The following GALK2 variants were observed in gnomAD, a reference collection of about 807,000 sequenced individuals.
The protein encoded by GALK2 is galactokinase 2.
In GALK2, 36 loss-of-function variants were observed where a neutral mutation model predicts 52.4. That is an observed-to-expected ratio of 0.69 (90% CI 0.53 to 0.91). The LOEUF is 0.91. Among genes scored for constraint, GALK2 ranks in the 40% least tolerant of loss-of-function variants. GALK2 has a pLI of 0.00. For synonymous variants in GALK2, 176 were observed against 199.1 expected (o/e 0.88, Z 0.98); for missense variants, 579 against 559.1 (o/e 1.04, Z -0.36).
chr15:49,319,681 T>A lies in GALK2; in HGVS notation c.1045T>A (p.Cys349Ser), dbSNP rs147794087. 1 of 1,614,058 alleles carries A rather than the reference T, an allele frequency of 6.2e-7. No homozygotes were observed. Among genetic ancestry groups the A allele is most frequent in the Non-Finnish European group, 8.5e-7 (1 of 1,180,018 alleles). ...GCGAGTGCTCCAGTTTAAGAAGATA[T>A]GTGAAGAAGCACCTGAAAACATGGT... is the stretch of plus-strand genomic sequence containing the variant. ...AARVLQFKKI[C>S]EEAPENMVQL... Residue 349 changes from cysteine (C) to serine (S), a missense_variant, in exon 9 of 10, where the codon TGT becomes AGT. By Grantham distance (112) the Cys-to-Ser change is moderately radical. Coordinates refer to ENST00000560031, the MANE Select transcript of GALK2 (RefSeq NM_002044.4).
At chr15:49,311,366 TA>T (rs1355107038) in intron 8 of GALK2, among the ~76,000 whole-genome samples, 1 of 152,346 alleles carries the variant, frequency 6.6e-6, no homozygotes, top group Admixed American at 6.5e-5. Flanking sequence ...TAGCATGACA[TA>T]CAAAGTCCTC....
intron 2 of GALK2, among the ~76,000 whole-genome samples, chr15:49,205,129 G>T (rs1055432871): frequency 1.3e-5 from 2 of 152,078 alleles, no homozygotes; most frequent in South Asian, 2.1e-4. Flanking sequence ...TCCGCGATTG[G>T]GTTGGTTCCA....
chr15:49,187,672 T>C (rs1448197783), intron 1 of GALK2, among the ~76,000 whole-genome samples: 6 of 152,270 alleles, frequency 3.9e-5, no homozygotes, highest in African/African-American at 1.2e-4. Context: ...CCCTCCTCTT[T>C]TCTTAAGCAG....
intron 3 of GALK2, among the ~76,000 whole-genome samples, chr15:49,357,512 C>T (rs929843831): frequency 3.3e-5 from 5 of 152,066 alleles, no homozygotes; most frequent in Admixed American, 6.5e-5. Flanking sequence ...TTCCTCGACA[C>T]ATACACTCTC....
Position 49,255,513 on chromosome 15 carries a change from G to A in GALK2, c.504+16146G>A, listed in dbSNP as rs1049940182. 3.5e-5 allele frequency among the ~76,000 whole-genome samples: 5 copies of A among 142,260 alleles called. 1 individual carries two copies. Among genetic ancestry groups the A allele is most frequent in the Non-Finnish European group, 7.9e-5 (5 of 63,434 alleles). 93.3% of individuals were successfully genotyped at this position (142,260 alleles called of 152,430 possible). On this transcript the variant is annotated intron_variant, in intron 5 of 9. Coordinates refer to ENST00000560031, the MANE Select transcript of GALK2 (RefSeq NM_002044.4). ...TTTCCTGAATTTGGATTTGTCAGAC[G>A]GTTGCCTTATTATTAGATTGAGACT...
Position 49,329,313 on chromosome 15 carries a change from G to C in GALK2, c.*1154G>C, listed in dbSNP as rs765456127. Reference sequence around the variant, plus strand: ...GCTTTCTCTTGTGGATGGACTATAGGAAGCACTTTCTGAATTATGTAATGA... The same window carrying C: ...GCTTTCTCTTGTGGATGGACTATAGCAAGCACTTTCTGAATTATGTAATGA... On this transcript the variant is annotated 3_prime_UTR_variant, in exon 10 of 10. Transcript: ENST00000560031. The C allele has an allele frequency of 3.6e-4, 355 of 985,358 alleles. No individual in the cohort carries two copies. Among genetic ancestry groups the C allele is most frequent in the Non-Finnish European group, 4.0e-4 (335 of 829,914 alleles). 61.0% of individuals were successfully genotyped at this position (985,358 alleles called of 1,614,324 possible).
rs533965784 is a variant in GALK2 at position 49,294,799 on chromosome 15, C to T, written c.967+2262C>T. Reference sequence around the variant, plus strand: ...GTATGGAGGGAAAAGTGGCTCAGGTCCTGTAGATGGTGGTTCAATTTTGAG... The same window carrying T: ...GTATGGAGGGAAAAGTGGCTCAGGTTCTGTAGATGGTGGTTCAATTTTGAG... On this transcript the variant is annotated intron_variant, in intron 8 of 9. Coordinates refer to ENST00000560031, the MANE Select transcript of GALK2 (RefSeq NM_002044.4). Among the ~76,000 whole-genome samples the T allele has an allele frequency of 3.3e-5, 5 of 152,116 alleles. No homozygotes were observed. The South Asian group carries it at 1.0e-3, about 32-fold the overall frequency.
chr15:49,362,437 CT>C (rs2044404964), intron 3 of GALK2, among the ~76,000 whole-genome samples: 1 of 152,156 alleles, frequency 6.6e-6, no homozygotes, highest in Admixed American at 6.6e-5. Context: ...AGTTAAATCT[CT>C]TTTCTTCATA....
At chr15:49,205,032 ATTCCTT>A (rs1456360990) in intron 2 of GALK2, among the ~76,000 whole-genome samples, 1 of 152,124 alleles carries the variant, frequency 6.6e-6, no homozygotes, top group African/African-American at 2.4e-5. Flanking sequence ...CTGTTAATTC[ATTCCTT>A]TTTATGGCTG....
intron 5 of GALK2, among the ~76,000 whole-genome samples, chr15:49,259,809 T>C (rs1413500758): frequency 6.8e-6 from 1 of 147,470 alleles, no homozygotes; most frequent in Non-Finnish European, 1.5e-5. Context: ...AATTCCCACC[T>C]ATGAGTGAGA....
chr15:49,360,735 C>A (rs1169417728), intron 3 of GALK2, among the ~76,000 whole-genome samples: 1 of 152,078 alleles, frequency 6.6e-6, no homozygotes, highest in East Asian at 1.9e-4. Context: ...TAATAAAACT[C>A]CAAAGATCAT....
At chr15:49,332,379 C>A (rs941970239), downstream of GALK2, among the ~76,000 whole-genome samples, 1 of 152,146 alleles carries the variant, frequency 6.6e-6, no homozygotes, top group African/African-American at 2.4e-5. Flanking sequence ...ATGGAAAAGG[C>A]CAGTGGGTGA....
chr15:49,352,809 C>G (rs2042443282), intron 3 of GALK2, among the ~76,000 whole-genome samples: 1 of 152,152 alleles, frequency 6.6e-6, no homozygotes, highest in Non-Finnish European at 1.5e-5. Flanking sequence ...AAGCAGTTCC[C>G]TATCTTGCAA....
At chr15:49,274,533 T>G (rs2031318831) in intron 5 of GALK2, among the ~76,000 whole-genome samples, 1 of 152,166 alleles carries the variant, frequency 6.6e-6, no homozygotes, top group South Asian at 2.1e-4. Flanking sequence ...GTAGACTTTA[T>G]CAACACTGTC....
At chr15:49,355,463 T>C (rs1412542246) in intron 3 of GALK2, among the ~76,000 whole-genome samples, 4 of 152,292 alleles carry the variant, frequency 2.6e-5, no homozygotes, top group South Asian at 2.1e-4. Context: ...CAGGAGCCGA[T>C]GCGATCAACT....
At chr15:49,255,640 A>T in intron 5 of GALK2, among the ~76,000 whole-genome samples, 1 of 105,694 alleles carries the variant, frequency 9.5e-6, no homozygotes, top group Non-Finnish European at 2.3e-5. Flanking sequence ...ACATTATTTA[A>T]TACACAGAGA....
intron 1 of GALK2, among the ~76,000 whole-genome samples, chr15:49,189,844 A>G (rs1216109282): frequency 6.6e-6 from 1 of 152,136 alleles, no homozygotes; most frequent in Non-Finnish European, 1.5e-5. Flanking sequence ...AAAACTTAGG[A>G]GTTGTTTATT....
At chr15:49,295,022 G>A (rs1197707231) in intron 8 of GALK2, among the ~76,000 whole-genome samples, 3 of 152,124 alleles carry the variant, frequency 2.0e-5, no homozygotes, top group Non-Finnish European at 1.5e-5. Flanking sequence ...GGAAACTATT[G>A]CTCTATACTC....
intron 5 of GALK2, among the ~76,000 whole-genome samples, chr15:49,254,009 A>C (rs1487535626): frequency 6.9e-6 from 1 of 144,384 alleles, no homozygotes; most frequent in Non-Finnish European, 1.6e-5. Flanking sequence ...ATTTGTTAAG[A>C]ATAAAAGAAG....
Sources: allele counts gnomAD v4.1 joint callset (sites outside exome capture counted in the v4.1 genomes callset), GRCh38; gene constraint gnomAD v4.1.1; transcripts MANE v1.5; gene names NCBI Gene and HGNC (gene_info 2026-07-23, HGNC 2026-07-21).